RAB3GAP1: variants seen among roughly 807,000 people sequenced by gnomAD.
RAB3GAP1 encodes rab3 GTPase-activating protein catalytic subunit.
Under a neutral mutation model 130.7 loss-of-function variants are expected in RAB3GAP1, and 86 were observed. The ratio of observed to expected loss-of-function variants is 0.66; its 90% CI spans 0.55 to 0.79. The LOEUF (loss-of-function observed/expected upper bound fraction) is 0.79, where lower values mean the gene tolerates loss of function less well. Ranked by LOEUF, RAB3GAP1 falls within the 30% of genes least tolerant of loss-of-function variation. RAB3GAP1 has a pLI of 0.00. For synonymous variants in RAB3GAP1, 367 were observed against 401.7 expected (o/e 0.91, Z 1.03); for missense variants, 1,029 against 1,169.4 (o/e 0.88, Z 1.75).
intron 3 of RAB3GAP1, among the ~76,000 whole-genome samples, chr2:135,061,716 CAGT>C (rs1558757619): frequency 1.3e-5 from 2 of 151,772 alleles, no homozygotes; most frequent in African/African-American, 4.8e-5. Context: ...AGTCTTTTCT[CAGT>C]AGTTTTGCTA....
At chr2:135,091,395 A>G (rs1290625202) in intron 4 of RAB3GAP1, among the ~76,000 whole-genome samples, 2 of 152,170 alleles carry the variant, frequency 1.3e-5, no homozygotes, top group Non-Finnish European at 2.9e-5. Flanking sequence ...GATAAGATAG[A>G]TAAGTAAGTA....
Position 135,102,056 on chromosome 2 carries a change from T to C in RAB3GAP1, c.362+8363T>C, listed in dbSNP as rs192285094. Among the ~76,000 whole-genome samples the C allele has an allele frequency of 5.3e-5, 8 of 152,344 alleles. No individual in the cohort carries two copies. In the East Asian group the frequency reaches 1.3e-3, roughly 26 times the overall value. On this transcript the variant is annotated intron_variant, in intron 5 of 23. Transcript: ENST00000264158. ...TCTTAGAACCTGTGGATATAAGTTATGTGGCAAGAGGAATTAAGGGAGCAT... is the reference window on the plus strand; with the variant it reads ...TCTTAGAACCTGTGGATATAAGTTACGTGGCAAGAGGAATTAAGGGAGCAT...
chr2:135,173,935 C>CT (rs1692935299), downstream of RAB3GAP1, among the ~76,000 whole-genome samples: 1 of 152,218 alleles, frequency 6.6e-6, no homozygotes, highest in Non-Finnish European at 1.5e-5. Context: ...CTTCTGGCCT[C>CT]TAATTTACGG....
At chr2:135,056,393 A>T (rs913010264) in intron 2 of RAB3GAP1, among the ~76,000 whole-genome samples, 1 of 151,070 alleles carries the variant, frequency 6.6e-6, no homozygotes, top group African/African-American at 2.4e-5. Flanking sequence ...TTCAGTAGAG[A>T]CGGGGTTTCA....
At chr2:135,158,973 C>T (rs1692393280) in intron 19 of RAB3GAP1, among the ~76,000 whole-genome samples, 1 of 152,068 alleles carries the variant, frequency 6.6e-6, no homozygotes, top group South Asian at 2.1e-4. Context: ...GAAAAATTTG[C>T]AGAAGTTTGG....
At chr2:135,164,517 C>A in intron 22 of RAB3GAP1, 77 bp from the exon 23 acceptor site, 1 of 1,151,772 alleles carries the variant, frequency 8.7e-7, no homozygotes, top group Non-Finnish European at 1.3e-6. Flanking sequence ...GTCCACAAAA[C>A]TCCTGTGGGA....
chr2:135,132,988 A>G lies in RAB3GAP1; in HGVS notation c.1326+4A>G, dbSNP rs1691589669. 6.7e-7 allele frequency: 1 copy of G among 1,501,514 alleles called. No individual in the cohort carries two copies. Among genetic ancestry groups the G allele is most frequent in the Non-Finnish European group, 9.3e-7 (1 of 1,078,354 alleles). The allele number at this position is 1,501,514 out of a possible 1,614,324, so 93.0% of individuals were successfully genotyped here. A position where few individuals can be genotyped will look rare whatever the true frequency, so the allele number is the denominator to read the frequency against. ...TCCATCAGAGAGTGAAGACTATGTA[A>G]GTTGATGTGGAGTTCAATGTTAAAA... On this transcript the variant is annotated splice_donor_region_variant and intron_variant, in intron 14 of 23. Coordinates refer to ENST00000264158, the MANE Select transcript of RAB3GAP1 (RefSeq NM_012233.3).
At chr2:135,094,490 TC>T (rs1574103244) in intron 5 of RAB3GAP1, among the ~76,000 whole-genome samples, 1 of 152,194 alleles carries the variant, frequency 6.6e-6, no homozygotes, top group African/African-American at 2.4e-5. Context: ...TCTTACTTTT[TC>T]TATCCAACTG....
intron 5 of RAB3GAP1, among the ~76,000 whole-genome samples, chr2:135,096,291 A>G (rs72978337): frequency 0.045 from 6,903 of 152,238 alleles, 537 homozygotes; most frequent in African/African-American, 0.16. Context: ...ATTTTTTTAA[A>G]TTAAAGAATT....
chr2:135,103,740 G>A (rs11896476), intron 5 of RAB3GAP1, among the ~76,000 whole-genome samples: 17,497 of 152,156 alleles, frequency 0.11, 1,302 homozygotes, highest in South Asian at 0.32. Flanking sequence ...GGGAGGGAAG[G>A]TACAAAAACT....
At chr2:135,118,973 C>G (rs766290018) in intron 7 of RAB3GAP1, among the ~76,000 whole-genome samples, 2 of 152,132 alleles carry the variant, frequency 1.3e-5, no homozygotes, top group African/African-American at 4.8e-5. Flanking sequence ...TTGTCAGTGC[C>G]GCCTTCCACA....
chr2:135,160,369 G>T (rs1692431358), intron 19 of RAB3GAP1, among the ~76,000 whole-genome samples: 1 of 152,064 alleles, frequency 6.6e-6, no homozygotes. Context: ...GAGGGAAAGG[G>T]TCATAAAAGA....
intron 17 of RAB3GAP1, among the ~76,000 whole-genome samples, chr2:135,142,886 A>ATT (rs1380929390): frequency 2.0e-4 from 27 of 135,936 alleles, no homozygotes; most frequent in African/African-American, 6.7e-4. Context: ...GCTGGAGTTT[A>ATT]TTTTTTTTTT....
chr2:135,124,063 T>C, intron 8 of RAB3GAP1, 102 bp from the exon 9 acceptor site: 1 of 1,131,392 alleles, frequency 8.8e-7, no homozygotes. Flanking sequence ...ACATGTGTTC[T>C]CTTGCAGACA....
At chr2:135,158,264 A>C (rs993523773) in intron 19 of RAB3GAP1, among the ~76,000 whole-genome samples, 1 of 152,092 alleles carries the variant, frequency 6.6e-6, no homozygotes, top group Admixed American at 6.6e-5. Context: ...CTTTTTTTAG[A>C]CATTTAGTAA....
chr2:135,094,169 GA>G (rs1558772464), intron 5 of RAB3GAP1, among the ~76,000 whole-genome samples: 2 of 152,108 alleles, frequency 1.3e-5, no homozygotes, highest in Non-Finnish European at 2.9e-5. Flanking sequence ...TGGGAATGGT[GA>G]GAACCCTCCC....
chr2:135,101,823 TG>T (rs1194095477), intron 5 of RAB3GAP1, among the ~76,000 whole-genome samples: 1 of 152,092 alleles, frequency 6.6e-6, no homozygotes, highest in African/African-American at 2.4e-5. Flanking sequence ...TATCTTCTAG[TG>T]GGTGTTTCCT....
At chr2:135,171,094 G>A (rs528957479), downstream of RAB3GAP1, among the ~76,000 whole-genome samples, 25 of 151,962 alleles carry the variant, frequency 1.6e-4, 1 homozygote, top group African/African-American at 3.6e-4. Flanking sequence ...GGCAGAAAGC[G>A]TATTACAAGC....
At chr2:135,148,130 A>AT (rs1367443375) in intron 17 of RAB3GAP1, among the ~76,000 whole-genome samples, 1 of 152,130 alleles carries the variant, frequency 6.6e-6, no homozygotes, top group East Asian at 1.9e-4. Context: ...TCTAGGCAAA[A>AT]TTTTAGTCCA....
Sources: allele counts gnomAD v4.1 joint callset (sites outside exome capture counted in the v4.1 genomes callset), GRCh38; gene constraint gnomAD v4.1.1; transcripts MANE v1.5; gene names NCBI Gene and HGNC (gene_info 2026-07-23, HGNC 2026-07-21).